TBC1D13: variants seen among roughly 807,000 people sequenced by gnomAD.
The protein encoded by TBC1D13 is epididymis secretory sperm binding protein.
In TBC1D13, 40 loss-of-function variants were observed where a neutral mutation model predicts 53.6. That is an observed-to-expected ratio of 0.75 (90% CI 0.58 to 0.97). The LOEUF is 0.97. Among genes scored for constraint, TBC1D13 ranks in the 50% least tolerant of loss-of-function variants. The pLI is 0.00. For synonymous variants in TBC1D13, 182 were observed against 197.7 expected (o/e 0.92, Z 0.67); for missense variants, 377 against 499.4 (o/e 0.75, Z 2.34).
chr9:128,787,889 G>C lies in TBC1D13; in HGVS notation c.24-445G>C, dbSNP rs1456762867. On this transcript the variant is annotated intron_variant, in intron 1 of 11. Coordinates refer to ENST00000372648, the MANE Select transcript of TBC1D13 (RefSeq NM_018201.5). ...GCCTTCTGGCAGGCCCAGAGGTCTT[G>C]TAATGGTTATATTTGTGAGCATGGT... is the stretch of plus-strand genomic sequence containing the variant. Among the ~76,000 whole-genome samples the C allele has an allele frequency of 2.0e-5, 3 of 152,108 alleles. No individual in the cohort carries two copies. In the East Asian group the frequency reaches 5.8e-4, roughly 29 times the overall value.
chr9:128,801,600 A>C (rs1181004174), intron 7 of TBC1D13, among the ~76,000 whole-genome samples: 1 of 151,334 alleles, frequency 6.6e-6, no homozygotes, highest in African/African-American at 2.4e-5. Context: ...AATCACTTCA[A>C]CCTGGGAGGT....
rs1829830614 is a variant in TBC1D13 at position 128,806,245 on chromosome 9, T to A, written c.1080-9T>A. ...CAGGTCCCAGCGCTTTTGCTGCTGCTTTTCATAGGCTGATCCGGGAGCAGT... is the reference window on the plus strand; with the variant it reads ...CAGGTCCCAGCGCTTTTGCTGCTGCATTTCATAGGCTGATCCGGGAGCAGT... On this transcript the variant is annotated splice_polypyrimidine_tract_variant and intron_variant, in intron 10 of 11. Transcript: ENST00000372648. The A allele has an allele frequency of 1.2e-6, 2 of 1,613,988 alleles. No individual in the cohort carries two copies. Among genetic ancestry groups the A allele is most frequent in the African/African-American group, 2.7e-5 (2 of 74,932 alleles).
chr9:128,809,960 C>T lies in TBC1D13; in HGVS notation c.*2081C>T. ...GCTTGGGCCACTGCCTGGGACCCAG[C>T]AGACACTGCCCAGGACTCTTTAGTG... On this transcript the variant is annotated 3_prime_UTR_variant, in exon 12 of 12. Transcript: ENST00000372648. The T allele has an allele frequency of 6.6e-6, 1 of 152,638 alleles. No individual in the cohort carries two copies. Among genetic ancestry groups the T allele is most frequent in the Non-Finnish European group, 1.5e-5 (1 of 68,296 alleles). 9.5% of individuals were successfully genotyped at this position (152,638 alleles called of 1,614,324 possible).
chr9:128,792,711 TC>T, intron 6 of TBC1D13, 137 bp downstream of exon 6: 1 of 748,780 alleles, frequency 1.3e-6, no homozygotes, highest in Non-Finnish European at 2.2e-6. Context: ...AGCGGTTGGG[TC>T]CAGGCACTAT....
intron 8 of TBC1D13, 74 bp from the exon 9 acceptor site, chr9:128,803,882 G>A (rs931859351): frequency 6.3e-7 from 1 of 1,580,726 alleles, no homozygotes; most frequent in African/African-American, 1.3e-5. Context: ...TCAGAGCAGG[G>A]CAGATGTCTG....
At chr9:128,806,924 A>C (rs1169030585) in intron 11 of TBC1D13, among the ~76,000 whole-genome samples, 1 of 147,724 alleles carries the variant, frequency 6.8e-6, no homozygotes, top group Non-Finnish European at 1.5e-5. Context: ...AGCCTGGGGG[A>C]CAGAGCAAGA....
intron 9 of TBC1D13, among the ~76,000 whole-genome samples, chr9:128,804,971 C>T (rs564768299): frequency 1.3e-5 from 2 of 151,828 alleles, no homozygotes; most frequent in African/African-American, 4.8e-5. Context: ...TCAAGTGATC[C>T]GCCTACCTCC....
intron 2 of TBC1D13, among the ~76,000 whole-genome samples, chr9:128,790,503 G>C (rs937089742): frequency 6.6e-6 from 1 of 152,236 alleles, no homozygotes; most frequent in Non-Finnish European, 1.5e-5. Flanking sequence ...GAACTCGGGA[G>C]GCGGAGGCTG....
intron 4 of TBC1D13, 71 bp from the exon 5 acceptor site, chr9:128,791,523 C>T (rs777621928): frequency 7.3e-5 from 118 of 1,606,822 alleles, no homozygotes; most frequent in Non-Finnish European, 9.2e-5. Context: ...CTGCCTCCTG[C>T]GGCTGCTGCT....
chr9:128,789,557 T>TA (rs1417770602), intron 2 of TBC1D13, among the ~76,000 whole-genome samples: 22 of 151,914 alleles, frequency 1.4e-4, no homozygotes, highest in Non-Finnish European at 2.9e-5. Context: ...GTTTCCTTCT[T>TA]ACGACAATTA....
chr9:128,787,377 G>A lies in TBC1D13; in HGVS notation c.23+1G>A, dbSNP rs963069123. The A allele has an allele frequency of 2.5e-5, 32 of 1,259,908 alleles. No individual in the cohort carries two copies. The highest frequency in any genetic ancestry group is 3.1e-5 in the Non-Finnish European group (31 of 994,616). The allele number at this position is 1,259,908 out of a possible 1,614,324, so 78.0% of individuals were successfully genotyped here. A position where few individuals can be genotyped will look rare whatever the true frequency, so the allele number is the denominator to read the frequency against. On this transcript the variant is annotated splice_donor_variant, in intron 1 of 11. Coordinates refer to ENST00000372648, the MANE Select transcript of TBC1D13 (RefSeq NM_018201.5). LOFTEE classifies it high-confidence loss of function. ...CCATGTCAAGTCTGCACAAGAGCCG[G>A]TAAGGGGCCATGGGGCCTGACCCGG...
rs547513778 is a variant in TBC1D13 at position 128,793,133 on chromosome 9, C to T, written c.383+559C>T. On this transcript the variant is annotated intron_variant, in intron 6 of 11. Transcript: ENST00000372648. ...AAAGGCCATGTTGGGCAGGGAACTG[C>T]CCTTGGCAAGGTCCAGAGAGCCCGC... 2.0e-5 allele frequency among the ~76,000 whole-genome samples: 3 copies of T among 152,322 alleles called. No individual in the cohort carries two copies. In the South Asian group the frequency reaches 6.2e-4, roughly 32 times the overall value.
chr9:128,799,082 A>G (rs1166558665), intron 7 of TBC1D13, among the ~76,000 whole-genome samples: 1 of 152,168 alleles, frequency 6.6e-6, no homozygotes, highest in Non-Finnish European at 1.5e-5. Flanking sequence ...GCAGGTGCCT[A>G]CGAGAGTTGG....
At chr9:128,789,592 G>A (rs994202683) in intron 2 of TBC1D13, among the ~76,000 whole-genome samples, 5 of 151,756 alleles carry the variant, frequency 3.3e-5, no homozygotes, top group Admixed American at 1.3e-4. Context: ...ACTTACTGGG[G>A]TAATAATGAA....
In TBC1D13 at chr9:128,797,275, T is replaced by C. The variant is rs1052603143; in HGVS notation, c.543+61T>C. ...AACAGTATTTTCTTTCCTTTTTCTC[T>C]TAAACTCCTGGCCACAAGGTGTCGG... On this transcript the variant is annotated intron_variant, in intron 7 of 11. Transcript: ENST00000372648. 3.2e-6 allele frequency: 5 copies of C among 1,567,554 alleles called. No homozygotes were observed. The East Asian group carries it at 1.1e-4, about 35-fold the overall frequency.
chr9:128,794,363 G>T (rs1268564400), intron 6 of TBC1D13, among the ~76,000 whole-genome samples: 2 of 152,266 alleles, frequency 1.3e-5, no homozygotes. Context: ...TCAGGCTAGG[G>T]TTGGTGCAGT....
intron 7 of TBC1D13, among the ~76,000 whole-genome samples, chr9:128,800,829 C>A (rs912590628): frequency 6.6e-6 from 1 of 151,926 alleles, no homozygotes; most frequent in African/African-American, 2.4e-5. Flanking sequence ...GGTGTCTGAC[C>A]TTTTACCATC....
At position 128,798,091 on chromosome 9, in the gene TBC1D13, A is replaced by G. The variant is rs923367063; in HGVS notation, c.543+877A>G. Among the ~76,000 whole-genome samples, 19 of 152,036 alleles carry G rather than the reference A, an allele frequency of 1.2e-4. No individual in the cohort carries two copies. The East Asian group carries it at 3.3e-3, about 26-fold the overall frequency. ...AACATGGTGAAACCTTGTCTCTACT[A>G]AAAATACAAAAATTAGCTGGGCATG... On this transcript the variant is annotated intron_variant, in intron 7 of 11. Transcript: ENST00000372648.
chr9:128,804,973 C>T (rs1433596101), intron 9 of TBC1D13, among the ~76,000 whole-genome samples: 1 of 151,772 alleles, frequency 6.6e-6, no homozygotes, highest in Non-Finnish European at 1.5e-5. Flanking sequence ...AAGTGATCCG[C>T]CTACCTCCCT....
Sources: allele counts gnomAD v4.1 joint callset (sites outside exome capture counted in the v4.1 genomes callset), GRCh38; gene constraint gnomAD v4.1.1; transcripts MANE v1.5; gene names NCBI Gene and HGNC (gene_info 2026-07-23, HGNC 2026-07-21).